SHISA9: variants seen among roughly 807,000 people sequenced by gnomAD.
SHISA9 encodes shisa family member 9, also known as protein shisa-9.
Under a neutral mutation model 38.0 loss-of-function variants are expected in SHISA9, and 13 were observed. That is an observed-to-expected ratio of 0.34 (90% confidence interval 0.22 to 0.54). The LOEUF (loss-of-function observed/expected upper bound fraction) is 0.54. Among genes scored for constraint, SHISA9 ranks in the 20% least tolerant of loss-of-function variants. The probability of loss-of-function intolerance (pLI) is 0.91; values close to 1 mark genes in which losing one functional copy is unlikely to be tolerated. For synonymous variants in SHISA9, 275 were observed against 242.0 expected (o/e 1.14, Z -1.27); for missense variants, 538 against 575.8 (o/e 0.93, Z 0.67).
chr16:13,006,906 C>CAGGCTACT (rs1237360949), intron 2 of SHISA9, among the ~76,000 whole-genome samples: 1 of 152,172 alleles, frequency 6.6e-6, no homozygotes, highest in Admixed American at 6.5e-5. Flanking sequence ...CCATTCAGCT[C>CAGGCTACT]AGGCTACTTC....
chr16:12,925,948 A>G (rs1048839661), intron 2 of SHISA9, among the ~76,000 whole-genome samples: 3 of 151,354 alleles, frequency 2.0e-5, no homozygotes, highest in Non-Finnish European at 4.4e-5. Flanking sequence ...CTGGTCTTGA[A>G]CTCCTGACCT....
At chr16:13,250,836 T>G in the SHISA9 span, among the ~76,000 whole-genome samples, 1 of 152,128 alleles carries the variant, frequency 6.6e-6, no homozygotes, top group Non-Finnish European at 1.5e-5. Context: ...CAAACCCTAA[T>G]GGCTTGTATA....
chr16:13,288,240 G>T, the SHISA9 span, among the ~76,000 whole-genome samples: 1 of 152,186 alleles, frequency 6.6e-6, no homozygotes, highest in Non-Finnish European at 1.5e-5. Flanking sequence ...AGCTTAGTCT[G>T]CCATAACAAA....
At chr16:12,945,723 A>G (rs1238447203) in intron 2 of SHISA9, among the ~76,000 whole-genome samples, 1 of 152,256 alleles carries the variant, frequency 6.6e-6, no homozygotes, top group East Asian at 1.9e-4. Context: ...TGAGACTTAA[A>G]TGAGATGATA....
the SHISA9 span, among the ~76,000 whole-genome samples, chr16:13,417,932 A>G: frequency 6.6e-6 from 1 of 152,204 alleles, no homozygotes; most frequent in African/African-American, 2.4e-5. Context: ...TCTCTTGGGA[A>G]GGTTTATGCC....
chr16:13,330,849 C>G, the SHISA9 span, among the ~76,000 whole-genome samples: 1 of 152,168 alleles, frequency 6.6e-6, no homozygotes, highest in South Asian at 2.1e-4. Context: ...GGAATGATAT[C>G]TAGCCCATAC....
the SHISA9 span, among the ~76,000 whole-genome samples, chr16:13,469,381 G>GAAGGA: frequency 1.0e-5 from 1 of 100,392 alleles, no homozygotes; most frequent in African/African-American, 3.8e-5. Context: ...AAGAAAGAAA[G>GAAGGA]AAAGAAAGAA....
chr16:13,206,594 T>C (rs1377811930), intron 3 of SHISA9, among the ~76,000 whole-genome samples: 2 of 152,256 alleles, frequency 1.3e-5, no homozygotes, highest in Non-Finnish European at 1.5e-5. Context: ...TGGGAATTCA[T>C]GTTCCCTGAT....
At chr16:13,464,205 C>T in the SHISA9 span, among the ~76,000 whole-genome samples, 2 of 152,162 alleles carry the variant, frequency 1.3e-5, no homozygotes, top group African/African-American at 4.8e-5. Context: ...AAGTGTGCTA[C>T]CTAGCACTTA....
the SHISA9 span, among the ~76,000 whole-genome samples, chr16:13,255,569 G>C: frequency 6.6e-6 from 1 of 152,200 alleles, no homozygotes; most frequent in African/African-American, 2.4e-5. Context: ...ATCCAGATCT[G>C]GCTGATTCCA....
intron 2 of SHISA9, among the ~76,000 whole-genome samples, chr16:13,120,491 G>A (rs1233517472): frequency 6.6e-6 from 1 of 152,178 alleles, no homozygotes; most frequent in Non-Finnish European, 1.5e-5. Context: ...GGCGGAGAAC[G>A]CTGGGGACTG....
chr16:13,224,647 A>G (rs936053889), intron 4 of SHISA9, among the ~76,000 whole-genome samples: 3 of 152,218 alleles, frequency 2.0e-5, no homozygotes, highest in African/African-American at 4.8e-5. Context: ...GGAGCTTTAT[A>G]TTCTGGTTAA....
intron 2 of SHISA9, among the ~76,000 whole-genome samples, chr16:13,173,635 G>A (rs2142023662): frequency 6.6e-6 from 1 of 152,250 alleles, no homozygotes; most frequent in South Asian, 2.1e-4. Flanking sequence ...GGAGGCAGTG[G>A]GCAGGGATGT....
chr16:13,120,286 C>A lies in SHISA9; in HGVS notation c.692-83108C>A, dbSNP rs558258648. Among the ~76,000 whole-genome samples the A allele has an allele frequency of 2.0e-5, 3 of 152,278 alleles. No homozygotes were observed. In the East Asian group the frequency reaches 5.8e-4, roughly 29 times the overall value. On this transcript the variant is annotated intron_variant, in intron 2 of 4. Coordinates refer to ENST00000558583, the MANE Select transcript of SHISA9 (RefSeq NM_001145204.3). ...GTAGTGCAGTGAAAGCTGATAGATT[C>A]CATTTTGGAGCACTGGAGCCCTTTG... is the stretch of plus-strand genomic sequence containing the variant.
the SHISA9 span, among the ~76,000 whole-genome samples, chr16:13,281,754 C>A: frequency 6.6e-6 from 1 of 151,360 alleles, no homozygotes; most frequent in South Asian, 2.1e-4. Flanking sequence ...TATTTCACAC[C>A]AATTAATGTA....
chr16:13,317,746 C>A, the SHISA9 span, among the ~76,000 whole-genome samples: 3 of 152,298 alleles, frequency 2.0e-5, no homozygotes, highest in African/African-American at 7.2e-5. Context: ...ATGTTGGCAA[C>A]CATCTGTCCC....
intron 2 of SHISA9, among the ~76,000 whole-genome samples, chr16:13,113,552 C>T (rs1174474673): frequency 6.6e-6 from 1 of 152,190 alleles, no homozygotes; most frequent in African/African-American, 2.4e-5. Flanking sequence ...ACTAATCGGA[C>T]AGAAATAGAC....
chr16:13,223,991 A>G (rs2051254836), intron 4 of SHISA9, among the ~76,000 whole-genome samples: 3 of 152,220 alleles, frequency 2.0e-5, no homozygotes, highest in Non-Finnish European at 4.4e-5. Flanking sequence ...CATTTGTTGG[A>G]TAAACAGCCA....
chr16:13,164,982 T>G (rs185753991), intron 2 of SHISA9, among the ~76,000 whole-genome samples: 16 of 152,334 alleles, frequency 1.1e-4, no homozygotes, highest in African/African-American at 3.6e-4. Flanking sequence ...CCTCTGTATA[T>G]AATGCATCCT....
Sources: allele counts gnomAD v4.1 joint callset (sites outside exome capture counted in the v4.1 genomes callset), GRCh38; gene constraint gnomAD v4.1.1; transcripts MANE v1.5; gene names NCBI Gene and HGNC (gene_info 2026-07-23, HGNC 2026-07-21).